CNTNAP2: variants seen among roughly 807,000 people sequenced by gnomAD.
CNTNAP2 encodes contactin-associated protein-like 2.
A neutral mutation model predicts 155.2 loss-of-function variants in CNTNAP2; 98 were observed. The ratio of observed to expected loss-of-function variants is 0.63; its 90% CI spans 0.54 to 0.75. The LOEUF (loss-of-function observed/expected upper bound fraction) is 0.75. Ranked by LOEUF, CNTNAP2 falls within the 30% of genes least tolerant of loss-of-function variation. The probability of loss-of-function intolerance (pLI) is 0.00; values close to 1 mark genes in which losing one functional copy is unlikely to be tolerated. For missense variants in CNTNAP2, 1,727 were observed against 1,688.1 expected (o/e 1.02, Z -0.40); for synonymous variants, 651 against 631.2 (o/e 1.03, Z -0.47).
At chr7:147,831,535 G>T (rs1012510748) in intron 13 of CNTNAP2, among the ~76,000 whole-genome samples, 1 of 152,162 alleles carries the variant, frequency 6.6e-6, no homozygotes, top group African/African-American at 2.4e-5. Flanking sequence ...GGAGAACAAC[G>T]TGTAAGACAC....
intron 1 of CNTNAP2, among the ~76,000 whole-genome samples, chr7:146,159,884 G>A (rs1305179023): frequency 2.0e-5 from 3 of 152,140 alleles, no homozygotes; most frequent in South Asian, 2.1e-4. Context: ...TCTGCACCAA[G>A]CAGACCTAAT....
At chr7:146,480,461 G>A (rs532631139) in intron 1 of CNTNAP2, among the ~76,000 whole-genome samples, 1 of 151,502 alleles carries the variant, frequency 6.6e-6, no homozygotes, top group African/African-American at 2.4e-5. Context: ...TACAAAAAAC[G>A]TTCAGCTTCT....
chr7:146,461,150 T>C (rs1411717788), intron 1 of CNTNAP2, among the ~76,000 whole-genome samples: 1 of 152,008 alleles, frequency 6.6e-6, no homozygotes, highest in African/African-American at 2.4e-5. Context: ...ACACCTGTAA[T>C]CCCAGCATTA....
chr7:146,637,020 G>T (rs900250622), intron 1 of CNTNAP2, among the ~76,000 whole-genome samples: 4 of 152,060 alleles, frequency 2.6e-5, no homozygotes, highest in Non-Finnish European at 5.9e-5. Context: ...AATCTAATAT[G>T]GTATTCACAA....
chr7:147,321,549 A>T lies in CNTNAP2; in HGVS notation c.1498+21259A>T, dbSNP rs967357400. 9.2e-5 allele frequency among the ~76,000 whole-genome samples: 14 copies of T among 152,298 alleles called. 1 individual carries two copies. The highest frequency in any genetic ancestry group is 3.4e-3 in the Middle Eastern group (1 of 294). On this transcript the variant is annotated intron_variant, in intron 9 of 23. Coordinates refer to ENST00000361727, the MANE Select transcript of CNTNAP2 (RefSeq NM_014141.6). ...TCTACTTCACAGTAGCTTTACTCTC[A>T]TCTCAGCCTTTAGGCTGGTGAGTTC...
intron 8 of CNTNAP2, among the ~76,000 whole-genome samples, chr7:147,148,486 G>T (rs1176663209): frequency 1.3e-5 from 2 of 151,642 alleles, no homozygotes; most frequent in Non-Finnish European, 2.9e-5. Flanking sequence ...CTAAAATACA[G>T]AAGTCCTATG....
At chr7:146,173,810 C>T (rs983497965) in intron 1 of CNTNAP2, among the ~76,000 whole-genome samples, 1 of 152,138 alleles carries the variant, frequency 6.6e-6, no homozygotes, top group African/African-American at 2.4e-5. Flanking sequence ...TGATGAGACT[C>T]CTAACTTGTA....
intron 1 of CNTNAP2, among the ~76,000 whole-genome samples, chr7:146,420,332 G>A (rs1320102575): frequency 6.6e-6 from 1 of 151,938 alleles, no homozygotes; most frequent in African/African-American, 2.4e-5. Flanking sequence ...TTTTGCAAGG[G>A]TTTCTGTTAA....
intron 1 of CNTNAP2, among the ~76,000 whole-genome samples, chr7:146,624,518 C>G (rs919120229): frequency 6.6e-6 from 1 of 151,980 alleles, no homozygotes; most frequent in Non-Finnish European, 1.5e-5. Flanking sequence ...ATCCTCTCTT[C>G]ATTTCAAATG....
At chr7:147,475,139 CAATA>C (rs1798294295) in intron 10 of CNTNAP2, among the ~76,000 whole-genome samples, 1 of 152,068 alleles carries the variant, frequency 6.6e-6, no homozygotes, top group African/African-American at 2.4e-5. Flanking sequence ...AGTTTCTAAC[CAATA>C]AATATTTTTC....
At position 148,313,021 on chromosome 7, in the gene CNTNAP2, G is replaced by A. The variant is rs188470899; in HGVS notation, c.3475+45895G>A. 2.5e-3 allele frequency among the ~76,000 whole-genome samples: 386 copies of A among 151,878 alleles called. 1 individual carries two copies. Among genetic ancestry groups the A allele is most frequent in the African/African-American group, 8.9e-3 (368 of 41,392 alleles). On this transcript the variant is annotated intron_variant, in intron 21 of 23. Coordinates refer to ENST00000361727, the MANE Select transcript of CNTNAP2 (RefSeq NM_014141.6). The stretch of plus-strand genomic sequence containing the variant: ...GCAGATAATTTAGTTAAAGTGTCTC[G>A]GCCTAATAAGGGAACTGGGCAGGTT...
At chr7:147,414,314 C>T (rs897812090) in intron 10 of CNTNAP2, among the ~76,000 whole-genome samples, 5 of 151,674 alleles carry the variant, frequency 3.3e-5, no homozygotes, top group African/African-American at 1.2e-4. Flanking sequence ...ATCCCAGCTA[C>T]TCAGGAGGCT....
chr7:146,963,828 T>C (rs1797603690), intron 3 of CNTNAP2, among the ~76,000 whole-genome samples: 3 of 152,208 alleles, frequency 2.0e-5, no homozygotes, highest in Non-Finnish European at 4.4e-5. Context: ...GTGTAGCTTA[T>C]GAAGTTTAAA....
intron 1 of CNTNAP2, among the ~76,000 whole-genome samples, chr7:146,519,618 C>T (rs1797589284): frequency 6.6e-6 from 1 of 151,792 alleles, no homozygotes; most frequent in African/African-American, 2.4e-5. Context: ...TTCATTGTTG[C>T]AGATTGTCTG....
chr7:147,675,475 A>G (rs1253468205), intron 13 of CNTNAP2, among the ~76,000 whole-genome samples: 3 of 152,102 alleles, frequency 2.0e-5, no homozygotes, highest in Non-Finnish European at 4.4e-5. Flanking sequence ...TCAACTCTAA[A>G]GGCCTGAAAA....
rs1204245018 is a variant in CNTNAP2 at position 146,608,353 on chromosome 7, A to G, written c.98-165918A>G. Among the ~76,000 whole-genome samples the G allele has an allele frequency of 2.6e-5, 4 of 152,230 alleles. 1 individual carries two copies. The South Asian group carries it at 6.2e-4, about 24-fold the overall frequency. The stretch of plus-strand genomic sequence containing the variant: ...TTAATTCAATATTTGTTGAATGAAT[A>G]TGCTTAATAATTCAGATCTATTTGA... On this transcript the variant is annotated intron_variant, in intron 1 of 23. Coordinates refer to ENST00000361727, the MANE Select transcript of CNTNAP2 (RefSeq NM_014141.6).
intron 15 of CNTNAP2, among the ~76,000 whole-genome samples, chr7:148,016,753 G>C (rs1265134590): frequency 6.6e-6 from 1 of 152,124 alleles, no homozygotes; most frequent in Non-Finnish European, 1.5e-5. Context: ...CAAGGAGGAA[G>C]GTATATATCC....
chr7:146,346,345 T>C (rs1362780055), intron 1 of CNTNAP2, among the ~76,000 whole-genome samples: 14 of 152,176 alleles, frequency 9.2e-5, no homozygotes, highest in Admixed American at 9.2e-4. Flanking sequence ...TGAATCCTAT[T>C]GTCAACTGTG....
intron 11 of CNTNAP2, among the ~76,000 whole-genome samples, chr7:147,498,539 A>G (rs1050975753): frequency 6.6e-6 from 1 of 152,244 alleles, no homozygotes; most frequent in Non-Finnish European, 1.5e-5. Context: ...ATAATACTAC[A>G]GAATGATGCA....
Sources: allele counts gnomAD v4.1 joint callset (sites outside exome capture counted in the v4.1 genomes callset), GRCh38; gene constraint gnomAD v4.1.1; transcripts MANE v1.5; gene names NCBI Gene and HGNC (gene_info 2026-07-23, HGNC 2026-07-21).